The following EHBP1 variants were observed in gnomAD, a reference collection of about 807,000 sequenced individuals.
EHBP1 encodes the protein EH domain binding protein 1, also known as EH domain-binding protein 1.
A neutral mutation model predicts 144.0 loss-of-function variants in EHBP1; 55 were observed. The ratio of observed to expected loss-of-function variants is 0.38; its 90% CI spans 0.31 to 0.48. The LOEUF (loss-of-function observed/expected upper bound fraction) is 0.48, where lower values mean the gene tolerates loss of function less well. Ranked by LOEUF, EHBP1 falls within the 20% of genes least tolerant of loss-of-function variation. The pLI is 0.98. For synonymous variants in EHBP1, 469 were observed against 472.7 expected, an observed-to-expected ratio of 0.99 and a Z score of 0.10; for missense variants, 1,200 against 1,364.2, an observed-to-expected ratio of 0.88 and a Z score of 1.90.
chr2:62,843,823 A>G (rs2048098953), intron 7 of EHBP1, among the ~76,000 whole-genome samples: 1 of 152,234 alleles, frequency 6.6e-6, no homozygotes, highest in South Asian at 2.1e-4. Flanking sequence ...GACATATTTT[A>G]TAAGCATGGT....
chr2:63,032,262 A>T (rs752420773), intron 19 of EHBP1, among the ~76,000 whole-genome samples: 22 of 138,124 alleles, frequency 1.6e-4, no homozygotes, highest in Non-Finnish European at 2.7e-4. Flanking sequence ...AAAATGATTT[A>T]AAAAAAAAAA....
intron 6 of EHBP1, among the ~76,000 whole-genome samples, chr2:62,829,748 A>G (rs2046661738): frequency 6.8e-6 from 1 of 147,200 alleles, no homozygotes; most frequent in Non-Finnish European, 1.5e-5. Context: ...ATATATTTAT[A>G]TTATGTATAT....
At chr2:62,958,107 C>T (rs1486532018) in intron 14 of EHBP1, among the ~76,000 whole-genome samples, 1 of 152,156 alleles carries the variant, frequency 6.6e-6, no homozygotes, top group Non-Finnish European at 1.5e-5. Context: ...AGAACTCTCA[C>T]ATTTTGCCAG....
intron 7 of EHBP1, among the ~76,000 whole-genome samples, chr2:62,851,473 C>CT (rs1558792187): frequency 6.6e-6 from 1 of 152,192 alleles, no homozygotes. Flanking sequence ...CTCCTAACCT[C>CT]TGAGTTATAC....
At chr2:62,760,145 T>C (rs1428422508) in intron 3 of EHBP1, among the ~76,000 whole-genome samples, 1 of 152,188 alleles carries the variant, frequency 6.6e-6, no homozygotes, top group African/African-American at 2.4e-5. Flanking sequence ...GGTCTGCTTT[T>C]GGTTGAAAAA....
At chr2:62,847,042 A>G (rs1344074305) in intron 7 of EHBP1, among the ~76,000 whole-genome samples, 1 of 152,230 alleles carries the variant, frequency 6.6e-6, no homozygotes. Flanking sequence ...AAAGAACTGA[A>G]TTATAATAGT....
chr2:62,777,879 C>A (rs144397784), intron 5 of EHBP1, among the ~76,000 whole-genome samples: 1 of 151,882 alleles, frequency 6.6e-6, no homozygotes, highest in Non-Finnish European at 1.5e-5. Flanking sequence ...TTCTAAGTAG[C>A]GGAAAGAAAT....
chr2:63,009,809 A>G (rs911876748), intron 19 of EHBP1, among the ~76,000 whole-genome samples: 1 of 151,588 alleles, frequency 6.6e-6, no homozygotes, highest in African/African-American at 2.4e-5. Flanking sequence ...TGTGGATTCT[A>G]TACATACAAT....
chr2:62,794,191 C>T lies in EHBP1; in HGVS notation c.312+22799C>T, dbSNP rs764948198. ...CTATAAATCTTTATTTTTCTTCACT[C>T]CACTCTGTGTTGGTGGACATGATTA... is the stretch of plus-strand genomic sequence containing the variant. On this transcript the variant is annotated intron_variant, in intron 5 of 22. Transcript: ENST00000431489. Among the ~76,000 whole-genome samples the T allele has an allele frequency of 2.0e-5, 3 of 152,024 alleles. No homozygotes were observed. In the East Asian group the frequency reaches 5.8e-4, roughly 29 times the overall value.
rs553496444 is a variant in EHBP1 at position 62,816,708 on chromosome 2, G to A, written c.313-9379G>A. On this transcript the variant is annotated intron_variant, in intron 5 of 22. Coordinates refer to ENST00000431489, the MANE Select transcript of EHBP1 (RefSeq NM_001142616.3). Reference sequence around the variant, plus strand: ...GTCATGGATTTAGCTAGTTTAAGACGTGGCTCTATTGTCTCCTGACTCTCC... The same window carrying A: ...GTCATGGATTTAGCTAGTTTAAGACATGGCTCTATTGTCTCCTGACTCTCC... Among the ~76,000 whole-genome samples, 166 of 152,302 alleles carry A rather than the reference G, an allele frequency of 1.1e-3. 3 individuals carry two copies. The South Asian group carries it at 0.033, about 30-fold the overall frequency.
intron 15 of EHBP1, among the ~76,000 whole-genome samples, chr2:62,989,130 T>A (rs150060198): frequency 1.0e-3 from 153 of 152,240 alleles, no homozygotes; most frequent in African/African-American, 3.5e-3. Context: ...CTTTTAAATG[T>A]TTAACCCAAA....
intron 5 of EHBP1, among the ~76,000 whole-genome samples, chr2:62,825,233 A>T (rs1473754487): frequency 1.3e-5 from 2 of 152,086 alleles, no homozygotes; most frequent in African/African-American, 2.4e-5. Flanking sequence ...CCCAGAATTT[A>T]CACGATGTCT....
intron 14 of EHBP1, among the ~76,000 whole-genome samples, chr2:62,971,164 G>GTGTC (rs757001704): frequency 2.0e-5 from 3 of 152,142 alleles, no homozygotes; most frequent in Non-Finnish European, 4.4e-5. Context: ...ATTTAAGTTT[G>GTGTC]TGTCCAAAGT....
chr2:62,789,957 T>C (rs929692663), intron 5 of EHBP1, among the ~76,000 whole-genome samples: 1 of 152,240 alleles, frequency 6.6e-6, no homozygotes, highest in Non-Finnish European at 1.5e-5. Flanking sequence ...TTCTATATGA[T>C]GTCAGCGAAT....
At chr2:62,749,389 T>G (rs1337996182) in intron 3 of EHBP1, among the ~76,000 whole-genome samples, 1 of 152,254 alleles carries the variant, frequency 6.6e-6, no homozygotes, top group Non-Finnish European at 1.5e-5. Flanking sequence ...CTATCATTAA[T>G]GGACATTTGG....
Position 62,805,943 on chromosome 2 carries a change from C to A in EHBP1, c.313-20144C>A, listed in dbSNP as rs1456846475. On this transcript the variant is annotated intron_variant, in intron 5 of 22. Coordinates refer to ENST00000431489, the MANE Select transcript of EHBP1 (RefSeq NM_001142616.3). ...TTATGTTCAAAGTGATCATTGATAT[C>A]ATCGAATTAATGTCTACTTCATTTG... Among the ~76,000 whole-genome samples the A allele has an allele frequency of 6.6e-5, 10 of 152,050 alleles. 1 individual carries two copies. The East Asian group carries it at 1.9e-3, about 29-fold the overall frequency.
chr2:62,864,732 A>G lies in EHBP1; in HGVS notation c.759A>G (p.Glu253=). The G allele has an allele frequency of 6.2e-7, 1 of 1,607,772 alleles. No homozygotes were observed. Among genetic ancestry groups the G allele is most frequent in the African/African-American group, 1.3e-5 (1 of 74,610 alleles). Residue 253 remains glutamate (E), a splice_region_variant and synonymous_variant, in exon 9 of 23, where the codon GAA becomes GAG. Coordinates refer to ENST00000431489, the MANE Select transcript of EHBP1 (RefSeq NM_001142616.3). The stretch of plus-strand genomic sequence containing the variant: ...AATTCATCTGCTATTATTTTATAGA[A>G]CCTATCACTGAAACAGCTTCACCTA... ...LNPFGDPDSE[E]PITETASPRK...
intron 21 of EHBP1, among the ~76,000 whole-genome samples, chr2:63,039,036 G>A (rs2061556674): frequency 6.6e-6 from 1 of 152,140 alleles, no homozygotes; most frequent in African/African-American, 2.4e-5. Context: ...GCACAAAATT[G>A]TCTTAACTTT....
chr2:62,769,901 AC>A (rs1456774982), intron 4 of EHBP1, among the ~76,000 whole-genome samples: 3 of 152,004 alleles, frequency 2.0e-5, no homozygotes, highest in African/African-American at 7.2e-5. Flanking sequence ...GGCAAAACTG[AC>A]CAAAAAAAGC....
Sources: gnomAD v4.1 joint callset for allele counts (sites outside exome capture counted in the v4.1 genomes callset) on GRCh38, gnomAD v4.1.1 for gene constraint, MANE v1.5 for transcripts, NCBI Gene and HGNC (gene_info 2026-07-23, HGNC 2026-07-21) for gene names.